ZKSCAN4: variants seen among roughly 807,000 people sequenced by gnomAD.
ZKSCAN4 encodes the protein zinc finger protein with KRAB and SCAN domains 4.
ZKSCAN4 carries 23 observed loss-of-function variants against 30.8 expected under a neutral mutation model. The ratio of observed to expected loss-of-function variants is 0.75; its 90% CI spans 0.54 to 1.06. The LOEUF is 1.06. Ranked by LOEUF, ZKSCAN4 falls within the 50% of genes least tolerant of loss-of-function variation. ZKSCAN4 has a pLI of 0.00. For synonymous variants in ZKSCAN4, 208 were observed against 252.5 expected, an observed-to-expected ratio of 0.82 and a Z score of 1.67; for missense variants, 556 against 665.4, an observed-to-expected ratio of 0.84 and a Z score of 1.81.
intron 3 of ZKSCAN4, 80 bp from the exon 4 acceptor site, chr6:28,247,172 A>C: frequency 2.8e-6 from 4 of 1,450,482 alleles, no homozygotes; most frequent in Non-Finnish European, 3.7e-6. Flanking sequence ...CCCTTTAAAG[A>C]GGCTCTTTAA....
chr6:28,256,430 C>CA (rs1761176849), upstream of ZKSCAN4, among the ~76,000 whole-genome samples: 1 of 151,642 alleles, frequency 6.6e-6, no homozygotes, highest in Admixed American at 6.6e-5. Flanking sequence ...GACCCTGTCT[C>CA]AAAAAATAAT....
intron 2 of ZKSCAN4, among the ~76,000 whole-genome samples, chr6:28,248,922 G>A (rs1760872243): frequency 6.6e-6 from 1 of 152,118 alleles, no homozygotes; most frequent in Non-Finnish European, 1.5e-5. Context: ...CTGGAAGACT[G>A]CTTAAATAGA....
In ZKSCAN4 at chr6:28,245,916, C is replaced by G; in HGVS notation, c.838G>C (p.Glu280Gln). The G allele has an allele frequency of 1.2e-6, 2 of 1,614,206 alleles. No individual in the cohort carries two copies. The highest frequency in any genetic ancestry group is 1.1e-5 in the South Asian group (1 of 91,084). The change falls in exon 5 of 5, where the codon GAG becomes CAG. Residue 280 changes from glutamate (E) to glutamine (Q), a missense_variant. By Grantham distance (29) the Glu-to-Gln change is conservative. Transcript: ENST00000377294. ...LPPVKKLPEK[E>Q]HGKICHLRED... ...CTCAGGTGGCATATCTTCCCATGCT[C>G]CTTTTCTGGAAGCTTCTTGACTGGA...
Position 28,241,866 on chromosome 6 carries a change from GAGTTA to G in ZKSCAN4, c.*3245_*3249del, listed in dbSNP as rs1374575692. 1.3e-5 allele frequency among the ~76,000 whole-genome samples: 2 copies of G among 151,842 alleles called. No individual in the cohort carries two copies. Among genetic ancestry groups the G allele is most frequent in the Admixed American group, 6.6e-5 (1 of 15,230 alleles). The stretch of plus-strand genomic sequence containing the variant: ...TATAAGCAGATCCTCAGAATCCTAG[GAGTTA>G]AGTTGTCATTCCTACCTTTTTTTTT... On this transcript the variant is annotated 3_prime_UTR_variant, in exon 5 of 5. Coordinates refer to ENST00000377294, the MANE Select transcript of ZKSCAN4 (RefSeq NM_019110.5).
upstream of ZKSCAN4, among the ~76,000 whole-genome samples, chr6:28,252,800 C>G (rs72850297): frequency 1.3e-5 from 2 of 152,076 alleles, no homozygotes; most frequent in African/African-American, 4.8e-5. Context: ...CCCACTCCCC[C>G]ACTCACCACT....
rs113080624 is a variant in ZKSCAN4, at chr6:28,249,898, C to T, written c.424-64G>A. On this transcript the variant is annotated intron_variant, in intron 1 of 4. Coordinates refer to ENST00000377294, the MANE Select transcript of ZKSCAN4 (RefSeq NM_019110.5). This position sits in a 1 kb window ranked among gnomAD's most constrained non-coding sequence, Gnocchi z 4.1. ...TATGTTTTCCATGTGCAAGTGATTT[C>T]TATTTTCTAGGCACTGTTTCTACAA... 4,868 of 1,576,990 alleles carry T rather than the reference C, an allele frequency of 3.1e-3. 76 individuals carry two copies. In the African/African-American group the frequency reaches 0.039, roughly 13 times the overall value.
At position 28,247,945 on chromosome 6, in the gene ZKSCAN4, A is replaced by G. The variant is rs913711876; in HGVS notation, c.654+122T>C. 1.2e-5 allele frequency: 7 copies of G among 596,416 alleles called. No individual in the cohort carries two copies. The Admixed American group carries it at 1.9e-4, about 16-fold the overall frequency. The allele number at this position is 596,416 out of a possible 1,614,324, so 36.9% of individuals were successfully genotyped here. A position where few individuals can be genotyped will look rare whatever the true frequency, so the allele number is the denominator to read the frequency against. Reference sequence around the variant, plus strand: ...ATGCAACTTTGGGATAGATGAGAAAACTCAAATTCATGTAGATCTAGGATA... The same window carrying G: ...ATGCAACTTTGGGATAGATGAGAAAGCTCAAATTCATGTAGATCTAGGATA... On this transcript the variant is annotated intron_variant, in intron 3 of 4. Transcript: ENST00000377294.
chr6:28,248,984 C>T (rs2113683568), intron 2 of ZKSCAN4, among the ~76,000 whole-genome samples: 1 of 152,254 alleles, frequency 6.6e-6, no homozygotes, highest in East Asian at 1.9e-4. Context: ...TACAATAAGT[C>T]AATTTGCAAG....
At position 28,245,737 on chromosome 6, in the gene ZKSCAN4, C is replaced by T; in HGVS notation, c.1017G>A (p.Arg339=). Residue 339 remains arginine (R), a synonymous_variant, in exon 5 of 5, where the codon AGG becomes AGA. Coordinates refer to ENST00000377294, the MANE Select transcript of ZKSCAN4 (RefSeq NM_019110.5). ...FAQSSGLTKH[R]RIHTGEKPYE... ...AGGGTTTCTCACCAGTGTGGATTCT[C>T]CTGTGTTTAGTCAGGCCTGAACTTT... 1 of 1,614,240 alleles carries T rather than the reference C, an allele frequency of 6.2e-7. No individual in the cohort carries two copies. Among genetic ancestry groups the T allele is most frequent in the African/African-American group, 1.3e-5 (1 of 75,054 alleles).
rs749693538 is a variant in ZKSCAN4, at chr6:28,251,893, C to T, written c.88G>A (p.Glu30Lys). Residue 30 changes from glutamate (E) to lysine (K), a missense_variant, in exon 1 of 5, where the codon GAG becomes AAG. This residue lies in a region of ZKSCAN4 where 115 missense variants were observed against 125.9 expected (regional missense o/e 0.91). Coordinates refer to ENST00000377294, the MANE Select transcript of ZKSCAN4 (RefSeq NM_019110.5). This position sits in a 1 kb window ranked among gnomAD's most constrained non-coding sequence, Gnocchi z 4.5. ...TGLLTVKVEK[E>K]EASALTAEVR... ...TCCGCCGTCAAGGCGGAGGCTTCCT[C>T]CTTCTCCACCTTCACGGTCAGGAGC... 61 of 1,540,468 alleles carry T rather than the reference C, an allele frequency of 4.0e-5. No individual in the cohort carries two copies. The highest frequency in any genetic ancestry group is 1.1e-4 in the Admixed American group (5 of 45,278).
At position 28,251,690 on chromosome 6, in the gene ZKSCAN4, C is replaced by T. The variant is rs1761003337; in HGVS notation, c.291G>A (p.Val97=). The T allele has an allele frequency of 6.2e-7, 1 of 1,614,136 alleles. No homozygotes were observed. The highest frequency in any genetic ancestry group is 1.1e-5 in the South Asian group (1 of 91,090). Residue 97 remains valine, a synonymous_variant, in exon 1 of 5, where the codon GTG becomes GTA. Coordinates refer to ENST00000377294, the MANE Select transcript of ZKSCAN4 (RefSeq NM_019110.5). This position sits in a 1 kb window ranked among gnomAD's most constrained non-coding sequence, Gnocchi z 4.5. ...GCAGGATGGTCAGGAACTGCTCCAG[C>T]ACCAGCAGCTCCAGGATCTGCTCCT... ...HSKEQILELL[V]LEQFLTILPG... is the part of the protein sequence containing the mutation.
In ZKSCAN4 at chr6:28,245,277, C is replaced by G. The variant is rs1488211658; in HGVS notation, c.1477G>C (p.Glu493Gln). 6.2e-7 allele frequency: 1 copy of G among 1,613,968 alleles called. No individual in the cohort carries two copies. Among genetic ancestry groups the G allele is most frequent in the East Asian group, 2.2e-5 (1 of 44,852 alleles). The change falls in exon 5 of 5, where the codon GAG becomes CAG. Residue 493 changes from glutamate (E) to glutamine (Q), a missense_variant. Glu to Gln is a conservative substitution (Grantham distance 29). Around this residue, in one of 3 missense-constraint regions of ZKSCAN4, gnomAD observed 433 missense variants for 511.5 expected, o/e 0.85. Coordinates refer to ENST00000377294, the MANE Select transcript of ZKSCAN4 (RefSeq NM_019110.5). ...APVSYKCNEC[E>Q]RSFTRNRSLI... ...CTTCTATTCCGTGTGAAACTTCTCT[C>G]ACACTCATTACATTTATAAGACACG...
chr6:28,252,382 G>A (rs1761044194), upstream of ZKSCAN4, among the ~76,000 whole-genome samples: 1 of 151,996 alleles, frequency 6.6e-6, no homozygotes, highest in Non-Finnish European at 1.5e-5. Context: ...TTACCTCCAC[G>A]CAAGGGAAGG....
In ZKSCAN4 at chr6:28,242,246, C is replaced by T. The variant is rs1258093251; in HGVS notation, c.*2870G>A. On this transcript the variant is annotated 3_prime_UTR_variant, in exon 5 of 5. Transcript: ENST00000377294. Reference sequence around the variant, plus strand: ...TAGTTTACTTTACTAGATCTAATTTCATTGGAAAATAACTTTTTTGGCCAT... The same window carrying T: ...TAGTTTACTTTACTAGATCTAATTTTATTGGAAAATAACTTTTTTGGCCAT... Among the ~76,000 whole-genome samples the T allele has an allele frequency of 2.0e-5, 3 of 152,126 alleles. No homozygotes were observed. The highest frequency in any genetic ancestry group is 3.8e-4 in the East Asian group (2 of 5,198).
chr6:28,252,923 C>T (rs1761071075), upstream of ZKSCAN4, among the ~76,000 whole-genome samples: 1 of 152,158 alleles, frequency 6.6e-6, no homozygotes, highest in Non-Finnish European at 1.5e-5. Context: ...TTCTTCCTTC[C>T]TGTTTCTTCC....
chr6:28,251,746 C>G lies in ZKSCAN4; in HGVS notation c.235G>C (p.Gly79Arg), dbSNP rs369687865. 3.7e-6 allele frequency: 6 copies of G among 1,614,150 alleles called. No homozygotes were observed. The highest frequency in any genetic ancestry group is 1.1e-5 in the South Asian group (1 of 91,082). ...EALSRLRELC[G>R]QWLQPEMHSK... ...TGCATCTCAGGCTGCAGCCATTGTC[C>G]GCAGAGTTCTCGGAGCCGGCTCAAC... Residue 79 changes from glycine to arginine, a missense_variant, in exon 1 of 5, where the codon GGA (glycine) becomes CGA (arginine). Gly to Arg is a moderately radical substitution (Grantham distance 125). Around this residue, in one of 3 missense-constraint regions of ZKSCAN4, gnomAD observed 115 missense variants for 125.9 expected, o/e 0.91. Transcript: ENST00000377294. The surrounding 1 kb of genome is among the most constrained non-coding windows in gnomAD (Gnocchi z 4.5).
upstream of ZKSCAN4, among the ~76,000 whole-genome samples, chr6:28,254,733 A>C (rs1469187559): frequency 6.6e-6 from 1 of 152,260 alleles, no homozygotes; most frequent in African/African-American, 2.4e-5. Flanking sequence ...CTGGGTCAGT[A>C]GATGGGATGG....
Position 28,249,916 on chromosome 6 carries a change from T to G in ZKSCAN4, c.424-82A>C. 6 of 1,491,914 alleles carry G rather than the reference T, an allele frequency of 4.0e-6. No individual in the cohort carries two copies. Among genetic ancestry groups the G allele is most frequent in the Non-Finnish European group, 5.6e-6 (6 of 1,079,948 alleles). The allele number at this position is 1,491,914 out of a possible 1,614,324, so 92.4% of individuals were successfully genotyped here. On this transcript the variant is annotated intron_variant, in intron 1 of 4. Coordinates refer to ENST00000377294, the MANE Select transcript of ZKSCAN4 (RefSeq NM_019110.5). This position sits in a 1 kb window ranked among gnomAD's most constrained non-coding sequence, Gnocchi z 4.1. ...GTGATTTCTATTTTCTAGGCACTGT[T>G]TCTACAAGCCTTATGATATTAACAC... is the stretch of plus-strand genomic sequence containing the variant.
At position 28,245,622 on chromosome 6, in the gene ZKSCAN4, A is replaced by G. The variant is rs1760680415; in HGVS notation, c.1132T>C (p.Cys378Arg). Residue 378 changes from cysteine (C) to arginine (R), a missense_variant, in exon 5 of 5, where the codon TGT becomes CGT. Physicochemically the swap from Cys to Arg is radical, Grantham distance 180. Transcript: ENST00000377294. ...CTGAAGACCTTACCACATTCTTCAC[A>G]CTCATATGGCTTCTCACCAGTGTGG... is the stretch of plus-strand genomic sequence containing the variant. ...RVHTGEKPYE[C>R]EECGKVFSHS... 1 of 1,614,028 alleles carries G rather than the reference A, an allele frequency of 6.2e-7. No individual in the cohort carries two copies. Among genetic ancestry groups the G allele is most frequent in the Admixed American group, 1.7e-5 (1 of 60,010 alleles).
Sources: allele counts gnomAD v4.1 joint callset (sites outside exome capture counted in the v4.1 genomes callset), GRCh38; gene constraint gnomAD v4.1.1; regional missense constraint gnomAD v4.1.1; non-coding constraint Gnocchi (gnomAD v3.1); transcripts MANE v1.5; gene names NCBI Gene and HGNC (gene_info 2026-07-23, HGNC 2026-07-21).